The following TMEM135 variants were observed in gnomAD, a reference collection of about 807,000 sequenced individuals.
TMEM135 encodes peroxisomal membrane protein 52.
In TMEM135, 30 loss-of-function variants were observed where a neutral mutation model predicts 60.3. The observed-to-expected ratio is 0.50, with a 90% CI of 0.37 to 0.68. TMEM135 has a LOEUF of 0.68. TMEM135 is among the 30% of genes least tolerant of loss of function. The pLI, the probability that TMEM135 is intolerant of heterozygous loss-of-function variation, is 0.00. For synonymous variants in TMEM135, 190 were observed against 186.7 expected (o/e 1.02, Z -0.14); for missense variants, 468 against 548.8 (o/e 0.85, Z 1.47).
At chr11:87,087,928 G>A (rs2135164029) in intron 3 of TMEM135, among the ~76,000 whole-genome samples, 1 of 152,144 alleles carries the variant, frequency 6.6e-6, no homozygotes, top group African/African-American at 2.4e-5. Flanking sequence ...AGTAGAGATG[G>A]GGTTTCTTCA....
At chr11:87,297,356 C>G (rs1565161628) in intron 7 of TMEM135, among the ~76,000 whole-genome samples, 6 of 152,104 alleles carry the variant, frequency 3.9e-5, no homozygotes. Flanking sequence ...ATAAGAATGT[C>G]TTTGGTTGTG....
At chr11:87,084,326 T>C (rs869239041) in intron 3 of TMEM135, among the ~76,000 whole-genome samples, 1 of 141,870 alleles carries the variant, frequency 7.0e-6, no homozygotes, top group South Asian at 2.2e-4. Flanking sequence ...TTTTTTTTTT[T>C]GAGACAGAGT....
chr11:87,289,080 T>C (rs1205868681), intron 6 of TMEM135, among the ~76,000 whole-genome samples: 1 of 152,228 alleles, frequency 6.6e-6, no homozygotes, highest in East Asian at 1.9e-4. Flanking sequence ...GTGATTACAA[T>C]CACAGACATG....
intron 5 of TMEM135, among the ~76,000 whole-genome samples, chr11:87,192,713 A>AT (rs1219901074): frequency 1.3e-5 from 2 of 152,220 alleles, no homozygotes; most frequent in Non-Finnish European, 2.9e-5. Context: ...TTCTAGATCT[A>AT]TTACTGTTTA....
intron 4 of TMEM135, among the ~76,000 whole-genome samples, chr11:87,097,647 C>T (rs537616479): frequency 1.3e-5 from 2 of 152,298 alleles, no homozygotes; most frequent in South Asian, 4.1e-4. Context: ...CCTTTTACCA[C>T]CACTGTCTGC....
chr11:87,038,825 G>C (rs894698432), intron 1 of TMEM135, among the ~76,000 whole-genome samples: 2 of 150,260 alleles, frequency 1.3e-5, no homozygotes, highest in African/African-American at 5.0e-5. Flanking sequence ...TAGGACATCT[G>C]ACTTTGTGTC....
At chr11:87,281,524 T>C (rs1258763319) in intron 6 of TMEM135, among the ~76,000 whole-genome samples, 1 of 152,210 alleles carries the variant, frequency 6.6e-6, no homozygotes, top group African/African-American at 2.4e-5. Flanking sequence ...AAAAGACTAT[T>C]GATAGTATTT....
intron 1 of TMEM135, among the ~76,000 whole-genome samples, chr11:87,038,856 C>T (rs909182641): frequency 3.1e-4 from 47 of 152,212 alleles, no homozygotes; most frequent in African/African-American, 1.1e-3. Context: ...TTCTGTTACA[C>T]AACTTTACAT....
At chr11:87,192,608 G>A (rs1939836030) in intron 5 of TMEM135, among the ~76,000 whole-genome samples, 2 of 152,232 alleles carry the variant, frequency 1.3e-5, no homozygotes, top group African/African-American at 4.8e-5. Context: ...TTTGAAATGT[G>A]TGTGCTACTT....
At chr11:87,223,562 AC>A (rs1940694315) in intron 5 of TMEM135, among the ~76,000 whole-genome samples, 1 of 151,812 alleles carries the variant, frequency 6.6e-6, no homozygotes, top group Non-Finnish European at 1.5e-5. Flanking sequence ...TAGAAAAAAA[AC>A]CCCAAAAAGT....
At position 87,321,750 on chromosome 11, in the gene TMEM135, G is replaced by T. The variant is rs1292000051; in HGVS notation, c.*417G>T. The T allele has an allele frequency of 2.2e-6, 1 of 455,352 alleles. No individual in the cohort carries two copies. The highest frequency in any genetic ancestry group is 4.4e-6 in the Non-Finnish European group (1 of 227,516). 28.2% of individuals were successfully genotyped at this position (455,352 alleles called of 1,614,324 possible). A position where few individuals can be genotyped will look rare whatever the true frequency, so the allele number is the denominator to read the frequency against. ...TTTTAGGATTTACAAAGGATCACGG[G>T]TACATGGATTTGGTCTATATATTTT... is the stretch of plus-strand genomic sequence containing the variant. On this transcript the variant is annotated 3_prime_UTR_variant, in exon 15 of 15. Coordinates refer to ENST00000305494, the MANE Select transcript of TMEM135 (RefSeq NM_022918.4).
At chr11:87,158,464 A>AT (rs60730766) in intron 5 of TMEM135, among the ~76,000 whole-genome samples, 32,090 of 140,494 alleles carry the variant, frequency 0.23, 3,867 homozygotes, top group Non-Finnish European at 0.25. Context: ...CCTTGGTATA[A>AT]TTTTTTTTTT....
At chr11:87,042,507 C>T (rs935206131) in intron 1 of TMEM135, among the ~76,000 whole-genome samples, 8 of 152,118 alleles carry the variant, frequency 5.3e-5, no homozygotes, top group Non-Finnish European at 1.2e-4. Flanking sequence ...ATTCTAGTTT[C>T]TAAGGCTAGC....
At chr11:87,132,561 A>G (rs1050454613) in intron 4 of TMEM135, among the ~76,000 whole-genome samples, 6 of 152,172 alleles carry the variant, frequency 3.9e-5, no homozygotes, top group Admixed American at 1.3e-4. Flanking sequence ...ATTTTGAGGT[A>G]GTCTTGACTC....
intron 6 of TMEM135, among the ~76,000 whole-genome samples, chr11:87,280,399 G>C (rs927744465): frequency 6.6e-6 from 1 of 152,098 alleles, no homozygotes; most frequent in Non-Finnish European, 1.5e-5. Context: ...TTTTGGCATG[G>C]TGTGACATGT....
At chr11:87,169,763 C>A (rs1190498985) in intron 5 of TMEM135, among the ~76,000 whole-genome samples, 1 of 152,122 alleles carries the variant, frequency 6.6e-6, no homozygotes, top group Non-Finnish European at 1.5e-5. Flanking sequence ...CTTGGTGAAT[C>A]TGACAATTAT....
chr11:87,285,720 C>T (rs7115293), intron 6 of TMEM135, among the ~76,000 whole-genome samples: 55,593 of 151,974 alleles, frequency 0.37, 10,825 homozygotes, highest in Non-Finnish European at 0.43. Flanking sequence ...GCTTTCACAG[C>T]GTGGAAGGGG....
intron 1 of TMEM135, among the ~76,000 whole-genome samples, chr11:87,056,986 T>C (rs993718252): frequency 6.6e-6 from 1 of 151,890 alleles, no homozygotes; most frequent in African/African-American, 2.4e-5. Flanking sequence ...TATGAAAGAG[T>C]GTTTTGGTTT....
chr11:87,306,170 G>A (rs1316337797), intron 9 of TMEM135, among the ~76,000 whole-genome samples, 165 bp downstream of exon 9: 2 of 152,072 alleles, frequency 1.3e-5, no homozygotes, highest in African/African-American at 4.8e-5. Flanking sequence ...AATAGGTGAC[G>A]ATTTAGCTTT....
Sources: gnomAD v4.1 joint callset for allele counts (sites outside exome capture counted in the v4.1 genomes callset) on GRCh38, gnomAD v4.1.1 for gene constraint, MANE v1.5 for transcripts, NCBI Gene and HGNC (gene_info 2026-07-23, HGNC 2026-07-21) for gene names.